Variants in HDAC2 observed in about 807,000 individuals in gnomAD.
HDAC2 encodes the protein histone deacetylase 2, also known as YY1-associated factor 1.
HDAC2 carries 5 observed loss-of-function variants against 68.5 expected under a neutral mutation model. That is an observed-to-expected ratio of 0.07 (90% CI 0.04 to 0.15). The LOEUF (loss-of-function observed/expected upper bound fraction) is 0.15, where lower values mean the gene tolerates loss of function less well. HDAC2 is among the 10% of genes least tolerant of loss of function. HDAC2 has a pLI of 1.00. For missense variants in HDAC2, 291 were observed against 600.8 expected (o/e 0.48, Z 5.39); for synonymous variants, 182 against 191.3 (o/e 0.95, Z 0.40).
chr6:113,957,521 G>A (rs914631839), intron 3 of HDAC2, among the ~76,000 whole-genome samples: 6 of 150,012 alleles, frequency 4.0e-5, no homozygotes, highest in Non-Finnish European at 5.9e-5. Flanking sequence ...TCACTCTGTC[G>A]CCCAGGCTGG....
In HDAC2 at chr6:113,962,096, A is replaced by G. The variant is rs1027724001; in HGVS notation, c.53-2078T>C. Among the ~76,000 whole-genome samples the G allele has an allele frequency of 3.3e-5, 5 of 152,212 alleles. No individual in the cohort carries two copies. The East Asian group carries it at 9.6e-4, about 29-fold the overall frequency. The stretch of plus-strand genomic sequence containing the variant: ...TGAGCAAGTGTGTTTGAAAAAAAAA[A>G]AAAGCAGTAATTAACACTTGTTGAG... On this transcript the variant is annotated intron_variant, in intron 1 of 13. Transcript: ENST00000519065.
chr6:113,965,618 G>A (rs971265235), intron 1 of HDAC2, among the ~76,000 whole-genome samples: 13 of 152,066 alleles, frequency 8.5e-5, no homozygotes, highest in African/African-American at 2.9e-4. Flanking sequence ...TGATCTGCCC[G>A]CCTCGGCTTC....
In HDAC2 at chr6:113,956,629, G is replaced by T. The variant is rs373430125; in HGVS notation, c.348C>A (p.Gly116=). Residue 116 remains glycine, a synonymous_variant, in exon 4 of 14, where the codon GGC becomes GGA. Transcript: ENST00000519065. The stretch of plus-strand genomic sequence containing the variant: ...TGCATTAGCACTTACCAACTGAACC[G>T]CCAGTTGAGAGCTGACAAAACTCAA... ...GLFEFCQLST[G]GSVAGAVKLN... The T allele has an allele frequency of 5.6e-6, 9 of 1,608,872 alleles. No individual in the cohort carries two copies. The highest frequency in any genetic ancestry group is 7.7e-6 in the Non-Finnish European group (9 of 1,175,516).
chr6:113,954,395 A>T (rs1776497036), intron 5 of HDAC2, among the ~76,000 whole-genome samples: 1 of 152,220 alleles, frequency 6.6e-6, no homozygotes, highest in Non-Finnish European at 1.5e-5. Context: ...ACAAAATTAA[A>T]AAAACAGAAA....
intron 1 of HDAC2, among the ~76,000 whole-genome samples, chr6:113,960,527 T>C (rs528005082): frequency 6.6e-6 from 1 of 152,210 alleles, no homozygotes; most frequent in Non-Finnish European, 1.5e-5. Flanking sequence ...ATTTAGGTCC[T>C]AAATGAGGTT....
chr6:113,951,610 A>G (rs1170937343), intron 6 of HDAC2, among the ~76,000 whole-genome samples: 2 of 151,606 alleles, frequency 1.3e-5, no homozygotes, highest in African/African-American at 4.9e-5. Flanking sequence ...TGGGACTACA[A>G]GCGCCCACCA....
chr6:113,970,648 CCCT>C, intron 1 of HDAC2: 1 of 1,351,192 alleles, frequency 7.4e-7, no homozygotes, highest in Admixed American at 3.8e-5. Context: ...CGGGCGGGCC[CCCT>C]GATTCCCGCC....
intron 9 of HDAC2, 34 bp downstream of exon 9, chr6:113,945,974 C>T (rs1776255787): frequency 6.6e-7 from 1 of 1,526,034 alleles, no homozygotes; most frequent in Non-Finnish European, 9.1e-7. Context: ...ATTGACAGTT[C>T]ATACAATAAA....
intron 6 of HDAC2, 65 bp downstream of exon 6, chr6:113,953,212 A>G: frequency 8.8e-7 from 1 of 1,138,650 alleles, no homozygotes; most frequent in Admixed American, 2.2e-5. Flanking sequence ...TACTACTTCA[A>G]GTATAGGATT....
At chr6:113,954,563 G>T (rs1037829987) in intron 5 of HDAC2, among the ~76,000 whole-genome samples, 3 of 152,162 alleles carry the variant, frequency 2.0e-5, no homozygotes, top group Non-Finnish European at 4.4e-5. Flanking sequence ...AGCTGAGTGG[G>T]CAAGAACTTG....
chr6:113,971,107 T>G lies in HDAC2; in HGVS notation c.-199A>C. 1 of 1,540,684 alleles carries G rather than the reference T, an allele frequency of 6.5e-7. No homozygotes were observed. The highest frequency in any genetic ancestry group is 2.0e-5 in the Admixed American group (1 of 50,670). ...ACCACCCGGCAGAGGTGCCGAAAGCTCGGAATCGGAGGTGGCAGCGGCACC... is the reference window on the plus strand; with the variant it reads ...ACCACCCGGCAGAGGTGCCGAAAGCGCGGAATCGGAGGTGGCAGCGGCACC... On this transcript the variant is annotated 5_prime_UTR_variant, in exon 1 of 14. Coordinates refer to ENST00000519065, the MANE Select transcript of HDAC2 (RefSeq NM_001527.4).
intron 12 of HDAC2, among the ~76,000 whole-genome samples, 191 bp downstream of exon 12, chr6:113,943,160 T>A (rs1365673887): frequency 6.6e-6 from 1 of 152,088 alleles, no homozygotes; most frequent in Non-Finnish European, 1.5e-5. Flanking sequence ...CTAAAGCAAA[T>A]AGGAACAATA....
intron 3 of HDAC2, chr6:113,958,308 A>ATT: frequency 1.1e-5 from 2 of 186,652 alleles, no homozygotes; most frequent in South Asian, 1.2e-4. Flanking sequence ...TGTACATGCC[A>ATT]AGCTAAGGCT....
chr6:113,969,863 C>T (rs1776932522), intron 1 of HDAC2: 1 of 152,224 alleles, frequency 6.6e-6, no homozygotes. Flanking sequence ...CAGGATTCCC[C>T]ACCACCTAGG....
chr6:113,944,499 T>A, intron 10 of HDAC2, 89 bp from the exon 11 acceptor site: 4 of 1,144,386 alleles, frequency 3.5e-6, no homozygotes, highest in Non-Finnish European at 5.1e-6. Context: ...AAAAATTTCA[T>A]CTTTGGTCTA....
intron 1 of HDAC2, among the ~76,000 whole-genome samples, chr6:113,962,912 C>T (rs1222728637): frequency 6.9e-6 from 1 of 145,636 alleles, no homozygotes; most frequent in African/African-American, 2.5e-5. Context: ...TGCAGTGAGC[C>T]GAGATCGTGC....
chr6:113,943,204 A>T, intron 12 of HDAC2, 147 bp downstream of exon 12: 1 of 601,266 alleles, frequency 1.7e-6, no homozygotes. Flanking sequence ...GCTAAGTACC[A>T]CTTATATGTA....
intron 11 of HDAC2, 145 bp from the exon 12 acceptor site, chr6:113,943,651 G>A: frequency 2.0e-6 from 1 of 494,600 alleles, no homozygotes; most frequent in South Asian, 6.2e-5. Context: ...AAATTTGAAT[G>A]GAATGAATGG....
intron 1 of HDAC2, 55 bp downstream of exon 1, chr6:113,970,802 C>T (rs1433557297): frequency 6.8e-7 from 1 of 1,468,648 alleles, no homozygotes; most frequent in Non-Finnish European, 8.9e-7. Context: ...ACGGCAGCCG[C>T]GGAACCCAGC....
Sources: gnomAD v4.1 joint callset for allele counts (sites outside exome capture counted in the v4.1 genomes callset) on GRCh38, gnomAD v4.1.1 for gene constraint, MANE v1.5 for transcripts, NCBI Gene and HGNC (gene_info 2026-07-23, HGNC 2026-07-21) for gene names.